Variants in CLEC16A observed in about 807,000 individuals in gnomAD.
CLEC16A encodes the protein C-type lectin domain containing 16A.
In CLEC16A, 51 loss-of-function variants were observed where a neutral mutation model predicts 109.5. The ratio of observed to expected loss-of-function variants is 0.47; its 90% CI spans 0.37 to 0.59. The LOEUF is 0.59. CLEC16A is among the 20% of genes least tolerant of loss of function. The pLI, the probability that CLEC16A is intolerant of heterozygous loss-of-function variation, is 0.00. For missense variants in CLEC16A, 1,339 were observed against 1,394.0 expected (o/e 0.96, Z 0.63); for synonymous variants, 673 against 564.2 (o/e 1.19, Z -2.73).
intron 11 of CLEC16A, among the ~76,000 whole-genome samples, chr16:11,009,601 G>A (rs145271728): frequency 3.3e-5 from 5 of 152,142 alleles, no homozygotes; most frequent in African/African-American, 9.7e-5. Flanking sequence ...TGATGGCGCC[G>A]TACCACCTAC....
chr16:11,175,790 C>G (rs915027761), intron 23 of CLEC16A, among the ~76,000 whole-genome samples: 32 of 152,238 alleles, frequency 2.1e-4, no homozygotes, highest in African/African-American at 7.2e-4. Flanking sequence ...ATATATTTGC[C>G]TACAAGGTTT....
intron 11 of CLEC16A, among the ~76,000 whole-genome samples, chr16:11,003,772 C>G (rs2044815155): frequency 6.6e-6 from 1 of 151,852 alleles, no homozygotes; most frequent in Non-Finnish European, 1.5e-5. Flanking sequence ...TAATTATTCC[C>G]AATAACCTGG....
chr16:11,010,523 C>T (rs2045335840), intron 11 of CLEC16A, among the ~76,000 whole-genome samples: 1 of 152,034 alleles, frequency 6.6e-6, no homozygotes, highest in African/African-American at 2.4e-5. Context: ...CATTTCATAC[C>T]ATTTACTTTC....
rs957696151 is a variant in CLEC16A, at chr16:11,003,254, A to G, written c.1252A>G (p.Lys418Glu). 5 of 1,612,740 alleles carry G rather than the reference A, an allele frequency of 3.1e-6. No individual in the cohort carries two copies. Among genetic ancestry groups the G allele is most frequent in the African/African-American group, 1.3e-5 (1 of 74,862 alleles). ...TGCCCAAGAAGACGCCGAGAAGGCT[A>G]AAGGTACAGAGGGTGGTTCAAAAGG... ...EDAQEDAEKAKGTEGGSKGIK... is the reference protein window; with the variant it reads ...EDAQEDAEKAEGTEGGSKGIK... The change falls in exon 11 of 24, where the codon AAA becomes GAA. Residue 418 changes from lysine to glutamate, a missense_variant. Physicochemically the swap from Lys to Glu is moderately conservative, Grantham distance 56 (BLOSUM62 1). Around this residue, in one of 3 missense-constraint regions of CLEC16A, gnomAD observed 1,061 missense variants for 1,006.8 expected, o/e 1.05. Transcript: ENST00000409790.
At chr16:11,100,931 C>A (rs961583658) in intron 19 of CLEC16A, among the ~76,000 whole-genome samples, 4 of 152,124 alleles carry the variant, frequency 2.6e-5, no homozygotes, top group African/African-American at 9.7e-5. Flanking sequence ...CTTTCAGTTA[C>A]TGCTTTATGG....
At chr16:11,144,872 G>T (rs919520130) in intron 22 of CLEC16A, among the ~76,000 whole-genome samples, 13 of 152,272 alleles carry the variant, frequency 8.5e-5, no homozygotes, top group Non-Finnish European at 1.8e-4. Flanking sequence ...TGCCTTGGGG[G>T]ACGGCTGTGC....
chr16:11,173,858 C>A (rs540680957), intron 23 of CLEC16A, among the ~76,000 whole-genome samples: 3 of 152,288 alleles, frequency 2.0e-5, no homozygotes, highest in South Asian at 4.1e-4. Context: ...TCTTTCCTTT[C>A]CAACAGGACT....
intron 19 of CLEC16A, among the ~76,000 whole-genome samples, chr16:11,089,036 T>G (rs11642009): frequency 0.19 from 28,703 of 152,022 alleles, 3,493 homozygotes; most frequent in Middle Eastern, 0.28. Context: ...ACTCCCAGCC[T>G]CCGTTCAGGG....
intron 2 of CLEC16A, among the ~76,000 whole-genome samples, chr16:10,958,287 G>A (rs1171338475): frequency 6.6e-6 from 1 of 152,192 alleles, no homozygotes; most frequent in Non-Finnish European, 1.5e-5. Flanking sequence ...GTTTACTGAT[G>A]ACCAGGCACA....
At chr16:11,120,915 A>C in intron 20 of CLEC16A, 149 bp downstream of exon 20, 3 of 891,156 alleles carry the variant, frequency 3.4e-6, no homozygotes, top group Non-Finnish European at 4.5e-6. Context: ...TGTCACCCAA[A>C]AAAAAGCTAA....
intron 19 of CLEC16A, among the ~76,000 whole-genome samples, chr16:11,095,407 C>A (rs1360590755): frequency 6.6e-6 from 1 of 152,172 alleles, no homozygotes; most frequent in African/African-American, 2.4e-5. Context: ...TCCTGACATT[C>A]TCTCCACGGG....
In CLEC16A at chr16:11,020,174, T is replaced by C. The variant is rs1385125626; in HGVS notation, c.1304-19T>C. 6.2e-7 allele frequency: 1 copy of C among 1,602,518 alleles called. No individual in the cohort carries two copies. The highest frequency in any genetic ancestry group is 8.5e-7 in the Non-Finnish European group (1 of 1,173,200). ...GAAAAGCTGTCTGGACTCATCCCAG[T>C]CTCCATTTTGGCTTCCAGAGATCGA... On this transcript the variant is annotated intron_variant, in intron 11 of 23. Transcript: ENST00000409790.
At chr16:11,088,669 C>T (rs563631312) in intron 19 of CLEC16A, among the ~76,000 whole-genome samples, 9 of 152,252 alleles carry the variant, frequency 5.9e-5, no homozygotes, top group African/African-American at 1.9e-4. Flanking sequence ...CGGCTAGAGG[C>T]AGTGCTTGGC....
intron 22 of CLEC16A, among the ~76,000 whole-genome samples, chr16:11,146,264 G>A (rs2054052202): frequency 6.6e-6 from 1 of 152,058 alleles, no homozygotes; most frequent in African/African-American, 2.4e-5. Context: ...TCTACTCCTT[G>A]ACTGGCCCTG....
intron 3 of CLEC16A, among the ~76,000 whole-genome samples, chr16:10,965,756 G>C (rs2042471154): frequency 1.3e-5 from 2 of 152,200 alleles, no homozygotes; most frequent in African/African-American, 4.8e-5. Context: ...CAGTGAGGGG[G>C]TAGTAGAAAA....
At chr16:10,979,636 T>A (rs976534978) in intron 9 of CLEC16A, among the ~76,000 whole-genome samples, 2 of 152,172 alleles carry the variant, frequency 1.3e-5, no homozygotes, top group African/African-American at 4.8e-5. Context: ...TATAGTTGAT[T>A]TTTACCATGA....
At chr16:11,079,576 C>T (rs2049586535) in intron 19 of CLEC16A, among the ~76,000 whole-genome samples, 1 of 152,188 alleles carries the variant, frequency 6.6e-6, no homozygotes, top group African/African-American at 2.4e-5. Context: ...CAACTTGGCA[C>T]ATCCACATTA....
chr16:10,946,749 T>G (rs910635660), intron 1 of CLEC16A, among the ~76,000 whole-genome samples: 15 of 152,206 alleles, frequency 9.9e-5, no homozygotes, highest in Non-Finnish European at 2.2e-4. Context: ...AGGTATTTGC[T>G]AAGGACTGCC....
intron 13 of CLEC16A, among the ~76,000 whole-genome samples, chr16:11,035,573 C>G (rs909667620): frequency 1.3e-5 from 2 of 152,168 alleles, no homozygotes; most frequent in Non-Finnish European, 2.9e-5. Flanking sequence ...TGACCCCAGG[C>G]AAGCTCATGT....
Sources: gnomAD v4.1 joint callset for allele counts (sites outside exome capture counted in the v4.1 genomes callset) on GRCh38, gnomAD v4.1.1 for gene constraint, gnomAD v4.1.1 regional missense constraint, MANE v1.5 for transcripts, NCBI Gene and HGNC (gene_info 2026-07-23, HGNC 2026-07-21) for gene names.